Variants in PRKG1 observed in about 807,000 individuals in gnomAD.
The protein encoded by PRKG1 is cGMP-dependent protein kinase 1.
A neutral mutation model predicts 88.1 loss-of-function variants in PRKG1; 35 were observed. That is an observed-to-expected ratio of 0.40 (90% CI 0.30 to 0.53). PRKG1 has a LOEUF of 0.53. Ranked by LOEUF, PRKG1 falls within the 20% of genes least tolerant of loss-of-function variation. The probability of loss-of-function intolerance (pLI) is 0.59; values close to 1 mark genes in which losing one functional copy is unlikely to be tolerated. For missense variants in PRKG1, 540 were observed against 839.8 expected (o/e 0.64, Z 4.41); for synonymous variants, 303 against 292.5 (o/e 1.04, Z -0.37).
intron 7 of PRKG1, among the ~76,000 whole-genome samples, chr10:52,118,133 T>C (rs1409155458): frequency 6.6e-6 from 1 of 152,096 alleles, no homozygotes; most frequent in Non-Finnish European, 1.5e-5. Context: ...TCTACAAAGG[T>C]AATACTAGAT....
chr10:51,726,888 T>C (rs1842144752), intron 3 of PRKG1, among the ~76,000 whole-genome samples: 1 of 152,138 alleles, frequency 6.6e-6, no homozygotes. Context: ...GCCATTCTCC[T>C]GCCTCAGCCT....
At chr10:50,993,011 T>C (rs1383923704) in intron 1 of PRKG1, among the ~76,000 whole-genome samples, 1 of 152,212 alleles carries the variant, frequency 6.6e-6, no homozygotes, top group South Asian at 2.1e-4. Context: ...AGGCAAGCTC[T>C]TCTGAAGAGC....
At chr10:52,095,816 T>G (rs1471283393) in intron 7 of PRKG1, among the ~76,000 whole-genome samples, 1 of 152,178 alleles carries the variant, frequency 6.6e-6, no homozygotes, top group East Asian at 1.9e-4. Flanking sequence ...GTTATAGCTT[T>G]CATGTTGCTC....
chr10:51,817,347 A>AACCCCCCCCCCC (rs1564659070), intron 4 of PRKG1, among the ~76,000 whole-genome samples: 1 of 129,590 alleles, frequency 7.7e-6, no homozygotes, highest in Non-Finnish European at 1.7e-5. Context: ...TCCCTCCCCA[A>AACCCCCCCCCCC]CCCCCCCCCT....
intron 4 of PRKG1, among the ~76,000 whole-genome samples, chr10:51,881,028 G>A (rs1184203374): frequency 6.6e-6 from 1 of 151,740 alleles, no homozygotes; most frequent in Admixed American, 6.6e-5. Context: ...TAGAGAAAAG[G>A]GGGGCAGATA....
At chr10:51,783,935 G>T (rs562849153) in intron 3 of PRKG1, among the ~76,000 whole-genome samples, 19 of 152,294 alleles carry the variant, frequency 1.2e-4, no homozygotes, top group African/African-American at 4.6e-4. Context: ...GAACGTAGCA[G>T]CTTCTTGCAA....
chr10:51,918,053 A>C (rs559247389), intron 5 of PRKG1, among the ~76,000 whole-genome samples: 3 of 152,352 alleles, frequency 2.0e-5, no homozygotes, highest in African/African-American at 7.2e-5. Context: ...GTGCCAGGCT[A>C]AGGCCATTTG....
chr10:51,611,479 T>G (rs575259242), intron 3 of PRKG1, among the ~76,000 whole-genome samples: 1 of 113,862 alleles, frequency 8.8e-6, no homozygotes, highest in African/African-American at 2.6e-5. Context: ...TTATTTGCCC[T>G]TTTTTAAAAA....
intron 9 of PRKG1, among the ~76,000 whole-genome samples, chr10:52,204,588 T>C (rs555467065): frequency 3.9e-5 from 6 of 152,328 alleles, no homozygotes; most frequent in Admixed American, 3.3e-4. Flanking sequence ...TGAACATAAA[T>C]TGTGAAGATT....
intron 3 of PRKG1, among the ~76,000 whole-genome samples, chr10:51,590,054 G>C (rs889441661): frequency 1.6e-4 from 25 of 152,160 alleles, no homozygotes; most frequent in African/African-American, 6.0e-4. Flanking sequence ...AGGTCATTAA[G>C]AGCTTGTGTT....
chr10:52,078,337 T>A (rs142158661), intron 7 of PRKG1, among the ~76,000 whole-genome samples: 2 of 152,236 alleles, frequency 1.3e-5, no homozygotes, highest in African/African-American at 2.4e-5. Flanking sequence ...AAAATAATCA[T>A]TTTTTAAATA....
At chr10:51,060,211 A>AAAATATAT (rs1437576568) in intron 1 of PRKG1, among the ~76,000 whole-genome samples, 2 of 151,970 alleles carry the variant, frequency 1.3e-5, no homozygotes, top group African/African-American at 4.8e-5. Context: ...TGTCTCTTGT[A>AAAATATAT]AAATATATAT....
chr10:51,100,826 C>T (rs1844661366), intron 1 of PRKG1, among the ~76,000 whole-genome samples: 1 of 152,116 alleles, frequency 6.6e-6, no homozygotes, highest in Non-Finnish European at 1.5e-5. Context: ...ATGAATCTTG[C>T]AAGCAAGAAG....
At chr10:52,183,203 CA>C (rs748673053) in intron 9 of PRKG1, among the ~76,000 whole-genome samples, 1 of 152,206 alleles carries the variant, frequency 6.6e-6, no homozygotes, top group Non-Finnish European at 1.5e-5. Flanking sequence ...TTGGAGTGTA[CA>C]AAACATCCAG....
chr10:52,251,027 C>T (rs1177002590), intron 9 of PRKG1, among the ~76,000 whole-genome samples: 1 of 152,074 alleles, frequency 6.6e-6, no homozygotes, highest in Non-Finnish European at 1.5e-5. Context: ...ATTTGTACAT[C>T]AGTTCTCAGC....
At chr10:52,274,124 A>T (rs1326494983) in intron 12 of PRKG1, among the ~76,000 whole-genome samples, 2 of 151,928 alleles carry the variant, frequency 1.3e-5, no homozygotes, top group East Asian at 1.9e-4. Context: ...CTTATAGCTT[A>T]TTATTTTTTT....
intron 3 of PRKG1, among the ~76,000 whole-genome samples, chr10:51,766,742 G>A (rs193119682): frequency 8.9e-4 from 136 of 152,160 alleles, no homozygotes; most frequent in African/African-American, 3.0e-3. Flanking sequence ...AGCAAAGATC[G>A]CATCTCCAAA....
chr10:51,110,673 T>C (rs907858569), intron 1 of PRKG1, among the ~76,000 whole-genome samples: 3 of 152,116 alleles, frequency 2.0e-5, no homozygotes, highest in African/African-American at 7.2e-5. Flanking sequence ...TTTTGTATAT[T>C]ATATATTTGT....
chr10:51,857,789 G>A lies in PRKG1; in HGVS notation c.699-49718G>A, dbSNP rs371432468. On this transcript the variant is annotated intron_variant, in intron 4 of 17. Transcript: ENST00000373980. ...TTCTTCTCTTCAAAGGTAGCAAAATGTAATCACATTCAGGGCACATAGTGG... is the reference window on the plus strand; with the variant it reads ...TTCTTCTCTTCAAAGGTAGCAAAATATAATCACATTCAGGGCACATAGTGG... Among the ~76,000 whole-genome samples, 93 of 151,832 alleles carry A rather than the reference G, an allele frequency of 6.1e-4. 1 individual carries two copies. The East Asian group carries it at 0.016, about 27-fold the overall frequency.
Sources: gnomAD v4.1 joint callset for allele counts (sites outside exome capture counted in the v4.1 genomes callset) on GRCh38, gnomAD v4.1.1 for gene constraint, MANE v1.5 for transcripts, NCBI Gene and HGNC (gene_info 2026-07-23, HGNC 2026-07-21) for gene names.